The following ZBTB8A variants were observed in gnomAD, a reference collection of about 807,000 sequenced individuals.
The protein encoded by ZBTB8A is zinc finger and BTB domain-containing protein 8A.
ZBTB8A carries 19 observed loss-of-function variants against 37.8 expected under a neutral mutation model. That is an observed-to-expected ratio of 0.50 (90% CI 0.35 to 0.74). ZBTB8A has a LOEUF of 0.74. Ranked by LOEUF, ZBTB8A falls within the 30% of genes least tolerant of loss-of-function variation. The pLI, the probability that ZBTB8A is intolerant of heterozygous loss-of-function variation, is 0.01. For synonymous variants in ZBTB8A, 181 were observed against 185.2 expected (o/e 0.98, Z 0.19); for missense variants, 394 against 537.8 (o/e 0.73, Z 2.65).
Position 32,575,226 on chromosome 1 carries a change from C to CTTT in ZBTB8A, c.-1-17687_-1-17685dup, listed in dbSNP as rs778765276. Among the ~76,000 whole-genome samples, 78 of 100,986 alleles carry CTTT rather than the reference C, an allele frequency of 7.7e-4. 3 individuals are homozygous for CTTT. The highest frequency in any genetic ancestry group is 3.8e-3 in the South Asian group (12 of 3,164). The allele number at this position is 100,986 out of a possible 152,430, so 66.3% of individuals were successfully genotyped here. On this transcript the variant is annotated intron_variant, in intron 2 of 4. Transcript: ENST00000373510. ...TGTTCTTTTTGTTTTCTTTTCTTTC[C>CTTT]TTTTTTTTTTTTTTTTTTTTGAGAC...
At chr1:32,599,666 G>A (rs368435027) in intron 4 of ZBTB8A, among the ~76,000 whole-genome samples, 9 of 152,052 alleles carry the variant, frequency 5.9e-5, no homozygotes, top group Middle Eastern at 3.4e-3. Context: ...GCAGTGAGCC[G>A]AGATTGCACT....
chr1:32,541,593 T>C (rs1020384347), intron 1 of ZBTB8A, among the ~76,000 whole-genome samples: 1 of 152,192 alleles, frequency 6.6e-6, no homozygotes, highest in African/African-American at 2.4e-5. Flanking sequence ...AAAGAACAAA[T>C]TTATTTCTCA....
At chr1:32,553,927 C>T (rs1330553719) in intron 2 of ZBTB8A, among the ~76,000 whole-genome samples, 7 of 144,826 alleles carry the variant, frequency 4.8e-5, no homozygotes, top group African/African-American at 7.7e-5. Flanking sequence ...GGGCCGGGTA[C>T]GGTGGCTCAC....
chr1:32,584,586 A>C (rs1206368192), intron 2 of ZBTB8A, among the ~76,000 whole-genome samples: 1 of 146,966 alleles, frequency 6.8e-6, no homozygotes, highest in Non-Finnish European at 1.5e-5. Context: ...AACAAGGATC[A>C]CTGCAGCCTT....
chr1:32,554,172 C>G (rs1400190077), intron 2 of ZBTB8A, among the ~76,000 whole-genome samples: 1 of 147,590 alleles, frequency 6.8e-6, no homozygotes, highest in African/African-American at 2.5e-5. Flanking sequence ...TGCACTCCAG[C>G]CTGGGCAACA....
At chr1:32,577,466 T>C (rs1644371358) in intron 2 of ZBTB8A, among the ~76,000 whole-genome samples, 1 of 151,946 alleles carries the variant, frequency 6.6e-6, no homozygotes, top group South Asian at 2.1e-4. Context: ...CTTTTTTTTT[T>C]TTTTAACTTT....
chr1:32,581,011 A>T (rs1440534249), intron 2 of ZBTB8A, among the ~76,000 whole-genome samples: 1 of 145,828 alleles, frequency 6.9e-6, no homozygotes, highest in African/African-American at 2.5e-5. Flanking sequence ...CTACCTCTTA[A>T]TACTGTTACC....
intron 1 of ZBTB8A, among the ~76,000 whole-genome samples, chr1:32,541,584 A>G (rs989270518): frequency 1.3e-5 from 2 of 152,196 alleles, no homozygotes; most frequent in Non-Finnish European, 2.9e-5. Flanking sequence ...GGTAATTATA[A>G]AGAACAAATT....
chr1:32,578,788 G>A (rs1368870486), intron 2 of ZBTB8A, among the ~76,000 whole-genome samples: 1 of 151,916 alleles, frequency 6.6e-6, no homozygotes, highest in Non-Finnish European at 1.5e-5. Context: ...ATCATAGCGC[G>A]CTACAGCCTC....
Position 32,605,021 on chromosome 1 carries a change from G to A in ZBTB8A, c.*4602G>A, listed in dbSNP as rs947638461. ...CAAAAAATAGCTGGGCATGATGGTG[G>A]GTGCCTGTAATCCCAGGTACTCGGG... On this transcript the variant is annotated 3_prime_UTR_variant, in exon 5 of 5. Transcript: ENST00000373510. 6.6e-6 allele frequency: 1 copy of A among 151,694 alleles called. No homozygotes were observed. Among genetic ancestry groups the A allele is most frequent in the East Asian group, 1.9e-4 (1 of 5,156 alleles). The allele number at this position is 151,694 out of a possible 1,614,324, so 9.4% of individuals were successfully genotyped here.
intron 2 of ZBTB8A, among the ~76,000 whole-genome samples, chr1:32,576,434 A>AT (rs1295672551): frequency 6.6e-5 from 10 of 150,896 alleles, no homozygotes; most frequent in East Asian, 1.9e-4. Context: ...AGCTCCGTTC[A>AT]TTTTTTTTTC....
intron 2 of ZBTB8A, among the ~76,000 whole-genome samples, chr1:32,563,825 C>T (rs1644261208): frequency 6.6e-6 from 1 of 152,106 alleles, no homozygotes; most frequent in Non-Finnish European, 1.5e-5. Context: ...CCCCAGTCAC[C>T]TTACTCTCAA....
chr1:32,547,128 T>C (rs1193403245), intron 1 of ZBTB8A, among the ~76,000 whole-genome samples: 1 of 151,962 alleles, frequency 6.6e-6, no homozygotes, highest in Non-Finnish European at 1.5e-5. Flanking sequence ...GGTCTCGAAC[T>C]CCTGGGCTCA....
intron 2 of ZBTB8A, among the ~76,000 whole-genome samples, chr1:32,569,669 G>A (rs1644310417): frequency 6.6e-6 from 1 of 151,954 alleles, no homozygotes. Context: ...TGGGATTACA[G>A]GCATGAGCCA....
chr1:32,584,356 A>G (rs1451752824), intron 2 of ZBTB8A, among the ~76,000 whole-genome samples: 1 of 151,396 alleles, frequency 6.6e-6, no homozygotes, highest in Non-Finnish European at 1.5e-5. Flanking sequence ...AAACTAATAT[A>G]CAAAGACGGG....
chr1:32,557,727 G>A (rs1644213674), intron 2 of ZBTB8A, among the ~76,000 whole-genome samples: 1 of 152,124 alleles, frequency 6.6e-6, no homozygotes, highest in Non-Finnish European at 1.5e-5. Flanking sequence ...GCCTCCCAAA[G>A]TGCTGGGATT....
intron 2 of ZBTB8A, among the ~76,000 whole-genome samples, chr1:32,568,379 T>C (rs1026065811): frequency 6.6e-6 from 1 of 152,054 alleles, no homozygotes; most frequent in South Asian, 2.1e-4. Flanking sequence ...GATTATAGAT[T>C]AGTTCTGCCT....
At position 32,593,436 on chromosome 1, in the gene ZBTB8A, G is replaced by A; in HGVS notation, c.505G>A (p.Glu169Lys). 1 of 1,613,930 alleles carries A rather than the reference G, an allele frequency of 6.2e-7. No homozygotes were observed. Among genetic ancestry groups the A allele is most frequent in the Non-Finnish European group, 8.5e-7 (1 of 1,180,022 alleles). Residue 169 changes from glutamate (E) to lysine (K), a missense_variant, in exon 3 of 5, where the codon GAG becomes AAG. Around this residue, in one of 4 missense-constraint regions of ZBTB8A, gnomAD observed 171 missense variants for 186.8 expected, o/e 0.92. Coordinates refer to ENST00000373510, the MANE Select transcript of ZBTB8A (RefSeq NM_001040441.3). Reference sequence around the variant, plus strand: ...TTCTCCACGTTCTCACCTAAGCCCAGAGCAAGGAACAGGTATAATAAGTGG... The same window carrying A: ...TTCTCCACGTTCTCACCTAAGCCCAAAGCAAGGAACAGGTATAATAAGTGG... The part of the protein sequence containing the change: ...SSSPRSHLSP[E>K]QGTGIISGKS...
intron 1 of ZBTB8A, among the ~76,000 whole-genome samples, chr1:32,543,973 G>C (rs1644080583): frequency 6.6e-6 from 1 of 152,118 alleles, no homozygotes; most frequent in African/African-American, 2.4e-5. Flanking sequence ...ACCACACCCA[G>C]ACTTGTTTGT....
Sources: gnomAD v4.1 joint callset for allele counts (sites outside exome capture counted in the v4.1 genomes callset) on GRCh38, gnomAD v4.1.1 for gene constraint, gnomAD v4.1.1 regional missense constraint, MANE v1.5 for transcripts, NCBI Gene and HGNC (gene_info 2026-07-23, HGNC 2026-07-21) for gene names.